The following UGT2B11 variants were observed in gnomAD, a reference collection of about 807,000 sequenced individuals.
UGT2B11 encodes the protein UDP-glucuronosyltransferase 2B11.
In UGT2B11, 49 loss-of-function variants were observed where a neutral mutation model predicts 51.7. The ratio of observed to expected loss-of-function variants is 0.95; its 90% confidence interval spans 0.75 to 1.20. UGT2B11 has a LOEUF of 1.20. Ranked by LOEUF, UGT2B11 falls within the 50% of genes most tolerant of loss-of-function variation. The pLI is 0.00. For missense variants in UGT2B11, 810 were observed against 622.1 expected, an observed-to-expected ratio of 1.30 and a Z score of -3.21; for synonymous variants, 273 against 209.0, an observed-to-expected ratio of 1.31 and a Z score of -2.64.
At chr4:69,206,181 T>C (rs909522665) in intron 3 of UGT2B11, among the ~76,000 whole-genome samples, 5 of 151,428 alleles carry the variant, frequency 3.3e-5, no homozygotes, top group African/African-American at 4.8e-5. Flanking sequence ...AAATATATGT[T>C]AGTTGCAGTA....
At chr4:69,202,157 G>C (rs1199434003) in intron 5 of UGT2B11, among the ~76,000 whole-genome samples, 3 of 151,712 alleles carry the variant, frequency 2.0e-5, no homozygotes, top group Admixed American at 6.6e-5. Flanking sequence ...ATAAACCACA[G>C]ATTATGTCTT....
At chr4:69,213,510 A>G (rs1384138804) in intron 1 of UGT2B11, among the ~76,000 whole-genome samples, 2 of 151,792 alleles carry the variant, frequency 1.3e-5, no homozygotes, top group Non-Finnish European at 3.0e-5. Context: ...TGAGATGTAG[A>G]CATTATCTCT....
chr4:69,205,533 G>A lies in UGT2B11; in HGVS notation c.1037C>T (p.Ala346Val), dbSNP rs143304000. The A allele has an allele frequency of 3.9e-4, 631 of 1,610,484 alleles. 4 individuals are homozygous for A. The African/African-American group carries it at 7.3e-3, about 19-fold the overall frequency. ...LWRFDGNKPDALGLNTRLYKW... is the reference protein window; with the variant it reads ...LWRFDGNKPDVLGLNTRLYKW... ...GTACAGCCGAGTATTGAGACCTAAG[G>A]CATCTGGTTTATTCCCGTCAAATCT... The change falls in exon 4 of 6, where the codon GCC (alanine) becomes GTC (valine). Residue 346 changes from alanine (A) to valine (V), a missense_variant. By Grantham distance (64) the Ala-to-Val change is moderately conservative. Transcript: ENST00000446444.
At chr4:69,207,797 G>A (rs572775308) in intron 3 of UGT2B11, among the ~76,000 whole-genome samples, 324 of 151,646 alleles carry the variant, frequency 2.1e-3, no homozygotes, top group African/African-American at 5.0e-3. Context: ...TCCAGAGTAC[G>A]GTAAGTAATA....
the UGT2B11 span, among the ~76,000 whole-genome samples, chr4:69,223,986 ATAAT>A: frequency 6.6e-6 from 1 of 152,156 alleles, no homozygotes; most frequent in Non-Finnish European, 1.5e-5. Flanking sequence ...TATCCATATG[ATAAT>A]TACAGACCTA....
chr4:69,205,549 C>A lies in UGT2B11; in HGVS notation c.1021G>T (p.Gly341Trp), dbSNP rs749630839. Residue 341 changes from glycine (G) to tryptophan (W), a missense_variant, in exon 4 of 6, where the codon GGG (glycine) becomes TGG (tryptophan). By Grantham distance (184) the Gly-to-Trp change is radical. Transcript: ENST00000446444. ...IPQKVLWRFD[G>W]NKPDALGLNT... The stretch of plus-strand genomic sequence containing the variant: ...AGACCTAAGGCATCTGGTTTATTCC[C>A]GTCAAATCTCCACAGAACCTGTTAC... 6.2e-7 allele frequency: 1 copy of A among 1,610,052 alleles called. No individual in the cohort carries two copies. The highest frequency in any genetic ancestry group is 1.7e-5 in the Admixed American group (1 of 59,772).
chr4:69,214,179 T>G lies in UGT2B11; in HGVS notation c.544A>C (p.Arg182=), dbSNP rs1490877466. 5.0e-6 allele frequency: 8 copies of G among 1,612,980 alleles called. No homozygotes were observed. The highest frequency in any genetic ancestry group is 5.9e-6 in the Non-Finnish European group (7 of 1,179,362). ...LRFTPGYTIE[R]HSGGLIFPPS... is the part of the protein sequence containing the mutation. ...GGGAAAATCAGTCCTCCACTGTGCC[T>G]TTCAATTGTGTAGCCAGGAGTAAAG... is the stretch of plus-strand genomic sequence containing the variant. Residue 182 remains arginine (R), a synonymous_variant, in exon 1 of 6, where the codon AGG becomes CGG. Coordinates refer to ENST00000446444, the MANE Select transcript of UGT2B11 (RefSeq NM_001073.3).
intron 3 of UGT2B11, among the ~76,000 whole-genome samples, chr4:69,206,429 C>T (rs1323834943): frequency 6.6e-6 from 1 of 151,518 alleles, no homozygotes; most frequent in Non-Finnish European, 1.5e-5. Context: ...AAGATGAGAA[C>T]ACGTGGACAC....
At chr4:69,208,287 T>C (rs1721931519) in intron 3 of UGT2B11, 64 bp downstream of exon 3, 3 of 1,599,324 alleles carry the variant, frequency 1.9e-6, no homozygotes. Context: ...TCTTTCTATG[T>C]AGATCACAAA....
At position 69,214,637 on chromosome 4, in the gene UGT2B11, C is replaced by G. The variant is rs1272521042; in HGVS notation, c.86G>C (p.Trp29Ser). The G allele has an allele frequency of 2.5e-6, 4 of 1,613,180 alleles. No individual in the cohort carries two copies. The Admixed American group carries it at 5.0e-5, about 20-fold the overall frequency. ...SSGSCGKVLV[W>S]AAEYSHWMNM... ...CATCCAATGGCTGTATTCTGCGGCC[C>G]ACACCAGCACTTTTCCACAACTCCC... The change falls in exon 1 of 6, where the codon TGG becomes TCG. Residue 29 changes from tryptophan (W) to serine (S), a missense_variant. Physicochemically the swap from Trp to Ser is radical, Grantham distance 177. Coordinates refer to ENST00000446444, the MANE Select transcript of UGT2B11 (RefSeq NM_001073.3).
the UGT2B11 span, among the ~76,000 whole-genome samples, chr4:69,224,031 A>G: frequency 3.9e-5 from 6 of 152,154 alleles, no homozygotes; most frequent in South Asian, 2.1e-4. Flanking sequence ...GGGGAACCAT[A>G]CACTATGGTG....
At chr4:69,223,205 G>A in the UGT2B11 span, among the ~76,000 whole-genome samples, 1 of 152,144 alleles carries the variant, frequency 6.6e-6, no homozygotes, top group Non-Finnish European at 1.5e-5. Flanking sequence ...AAGACAATCA[G>A]CCACTTCTTT....
chr4:69,203,865 G>A (rs1577959855), intron 5 of UGT2B11, among the ~76,000 whole-genome samples: 2 of 151,570 alleles, frequency 1.3e-5, no homozygotes, highest in African/African-American at 4.8e-5. Context: ...TGATTTTGGT[G>A]TCATTGCAGT....
chr4:69,209,908 A>G (rs1257308708), intron 2 of UGT2B11, among the ~76,000 whole-genome samples: 1 of 151,670 alleles, frequency 6.6e-6, no homozygotes, highest in East Asian at 1.9e-4. Context: ...AATTAATGTA[A>G]GAAATTGTAT....
rs146939376 is a variant in UGT2B11 at position 69,212,255 on chromosome 4, G to A, written c.870+318C>T. Among the ~76,000 whole-genome samples, 950 of 151,640 alleles carry A rather than the reference G, an allele frequency of 6.3e-3. 10 individuals carry two copies. Among genetic ancestry groups the A allele is most frequent in the African/African-American group, 0.022 (900 of 41,466 alleles). ...CTCTGAAATTTCTGCACTTACTTGT[G>A]TTTTGTGCTAATCCTTTTATAAGTA... On this transcript the variant is annotated intron_variant, in intron 2 of 5. Transcript: ENST00000446444.
At chr4:69,222,353 G>T in the UGT2B11 span, among the ~76,000 whole-genome samples, 4 of 152,200 alleles carry the variant, frequency 2.6e-5, no homozygotes, top group Admixed American at 6.5e-5. Flanking sequence ...AAAGCAGAGG[G>T]GTTTTCCTCC....
rs1329666645 is a variant in UGT2B11 at position 69,200,881 on chromosome 4, G to A, written c.1311-162C>T. On this transcript the variant is annotated intron_variant, in intron 5 of 5. Transcript: ENST00000446444. ...AATTTGAGTTATCATAGATAGTTTGGCTTTTAAATTGGACTTTTCTCATTG... is the reference window on the plus strand; with the variant it reads ...AATTTGAGTTATCATAGATAGTTTGACTTTTAAATTGGACTTTTCTCATTG... 2.0e-5 allele frequency among the ~76,000 whole-genome samples: 3 copies of A among 151,566 alleles called. No individual in the cohort carries two copies. The East Asian group carries it at 5.9e-4, about 30-fold the overall frequency.
At chr4:69,205,896 G>C (rs1294155186) in intron 3 of UGT2B11, among the ~76,000 whole-genome samples, 2 of 151,602 alleles carry the variant, frequency 1.3e-5, no homozygotes, top group Non-Finnish European at 3.0e-5. Context: ...CAGATCATTA[G>C]AGAAATTCAA....
intron 5 of UGT2B11, among the ~76,000 whole-genome samples, chr4:69,203,262 C>T (rs78386386): frequency 2.0e-5 from 3 of 151,588 alleles, no homozygotes; most frequent in East Asian, 2.0e-4. Flanking sequence ...TATAAAGATT[C>T]TCAACATCTT....
Sources: gnomAD v4.1 joint callset for allele counts (sites outside exome capture counted in the v4.1 genomes callset) on GRCh38, gnomAD v4.1.1 for gene constraint, MANE v1.5 for transcripts, NCBI Gene and HGNC (gene_info 2026-07-23, HGNC 2026-07-21) for gene names.